Variants in ZBTB20 observed in about 807,000 individuals in gnomAD.
The protein encoded by ZBTB20 is zinc finger and BTB domain-containing protein 20.
Under a neutral mutation model 56.9 loss-of-function variants are expected in ZBTB20, and 9 were observed. That is an observed-to-expected ratio of 0.16 (90% confidence interval 0.10 to 0.28). ZBTB20 has a LOEUF of 0.28. Ranked by LOEUF, ZBTB20 falls within the 10% of genes least tolerant of loss-of-function variation. The pLI, the probability that ZBTB20 is intolerant of heterozygous loss-of-function variation, is 1.00. For missense variants in ZBTB20, 655 were observed against 1,003.0 expected (o/e 0.65, Z 4.69); for synonymous variants, 417 against 420.7 (o/e 0.99, Z 0.11).
intron 5 of ZBTB20, among the ~76,000 whole-genome samples, chr3:114,708,415 A>C (rs959898938): frequency 2.6e-5 from 4 of 152,130 alleles, no homozygotes; most frequent in Non-Finnish European, 5.9e-5. Context: ...AATTTAAAAA[A>C]TATATGAAGA....
chr3:114,617,412 C>T (rs2058016037), intron 6 of ZBTB20, among the ~76,000 whole-genome samples: 1 of 152,188 alleles, frequency 6.6e-6, no homozygotes, highest in African/African-American at 2.4e-5. Flanking sequence ...GATTTATCAG[C>T]TCTTCTGTGA....
At chr3:114,440,664 G>A (rs1317623032) in intron 7 of ZBTB20, among the ~76,000 whole-genome samples, 1 of 152,132 alleles carries the variant, frequency 6.6e-6, no homozygotes, top group Non-Finnish European at 1.5e-5. Context: ...AGATAACGCT[G>A]GGACAGTTTA....
chr3:114,404,636 T>C (rs1559745157), intron 7 of ZBTB20, among the ~76,000 whole-genome samples: 1 of 152,150 alleles, frequency 6.6e-6, no homozygotes, highest in Non-Finnish European at 1.5e-5. Context: ...GTGGCTATTT[T>C]TCCCCATAGC....
chr3:114,958,391 T>G (rs1560437362), intron 3 of ZBTB20, among the ~76,000 whole-genome samples: 1 of 152,216 alleles, frequency 6.6e-6, no homozygotes, highest in Non-Finnish European at 1.5e-5. Flanking sequence ...CAGTTCAACA[T>G]TTAAAAATTT....
At chr3:114,760,773 A>G (rs918301464) in intron 5 of ZBTB20, among the ~76,000 whole-genome samples, 2 of 152,134 alleles carry the variant, frequency 1.3e-5, no homozygotes, top group Non-Finnish European at 2.9e-5. Flanking sequence ...CTTGACACAC[A>G]CTGCCTTTCT....
intron 4 of ZBTB20, among the ~76,000 whole-genome samples, chr3:114,889,617 CTGTT>C (rs1424501602): frequency 4.0e-5 from 6 of 151,896 alleles, no homozygotes; most frequent in Admixed American, 3.9e-4. Flanking sequence ...TAAAAAGGCA[CTGTT>C]TGGGATTGGT....
intron 2 of ZBTB20, among the ~76,000 whole-genome samples, chr3:115,017,403 C>T (rs1005643736): frequency 1.3e-5 from 2 of 151,662 alleles, no homozygotes; most frequent in East Asian, 1.9e-4. Flanking sequence ...AAAGGAAAAA[C>T]ATTCCATGTT....
chr3:114,347,224 T>C (rs2080269142), intron 11 of ZBTB20, among the ~76,000 whole-genome samples: 1 of 151,888 alleles, frequency 6.6e-6, no homozygotes, highest in Non-Finnish European at 1.5e-5. Flanking sequence ...AATTTATATC[T>C]GCAGTTGTTG....
intron 5 of ZBTB20, among the ~76,000 whole-genome samples, chr3:114,753,438 C>CGTATATATATATATATAT (rs1560210058): frequency 8.5e-4 from 9 of 10,576 alleles, no homozygotes; most frequent in Admixed American, 1.8e-3. Flanking sequence ...TATATACACA[C>CGTATATATATATATATAT]ACACTTTTTT....
intron 7 of ZBTB20, among the ~76,000 whole-genome samples, chr3:114,432,645 G>T (rs2090203667): frequency 6.6e-6 from 1 of 152,220 alleles, no homozygotes; most frequent in African/African-American, 2.4e-5. Flanking sequence ...TCTAGCTGAG[G>T]AGGGACTGGC....
chr3:115,018,526 C>T (rs1267026796), intron 2 of ZBTB20, among the ~76,000 whole-genome samples: 1 of 151,312 alleles, frequency 6.6e-6, no homozygotes, highest in Non-Finnish European at 1.5e-5. Flanking sequence ...GATGGCTTGG[C>T]ATTCATTAAC....
At chr3:115,143,816 A>G (rs2084888097) in intron 1 of ZBTB20, among the ~76,000 whole-genome samples, 2 of 152,264 alleles carry the variant, frequency 1.3e-5, no homozygotes, top group Admixed American at 1.3e-4. Context: ...CAAATAAGAA[A>G]TAAACTAAGA....
intron 5 of ZBTB20, among the ~76,000 whole-genome samples, chr3:114,765,252 C>T (rs142999362): frequency 1.3e-5 from 2 of 152,022 alleles, no homozygotes; most frequent in Non-Finnish European, 2.9e-5. Context: ...AAATTTCTAA[C>T]CCCAAGTATC....
chr3:114,800,469 TG>T (rs1470348980), intron 5 of ZBTB20, among the ~76,000 whole-genome samples: 1 of 151,804 alleles, frequency 6.6e-6, no homozygotes, highest in African/African-American at 2.4e-5. Flanking sequence ...TATGGAACAA[TG>T]GGGCTCTGAG....
chr3:114,690,187 A>G (rs1560131243), intron 6 of ZBTB20, among the ~76,000 whole-genome samples: 1 of 151,952 alleles, frequency 6.6e-6, no homozygotes, highest in South Asian at 2.1e-4. Context: ...CATACTGTAA[A>G]CCCTCATATT....
chr3:115,070,809 TA>T (rs971297109), intron 2 of ZBTB20, among the ~76,000 whole-genome samples: 1 of 151,306 alleles, frequency 6.6e-6, no homozygotes, highest in Non-Finnish European at 1.5e-5. Context: ...ACATAAAAAA[TA>T]AAAAAAACTT....
chr3:114,614,243 A>C (rs748841577), intron 6 of ZBTB20, among the ~76,000 whole-genome samples: 3 of 152,216 alleles, frequency 2.0e-5, no homozygotes, highest in Non-Finnish European at 4.4e-5. Context: ...CCATTCTAAA[A>C]ATTATCACAA....
intron 7 of ZBTB20, among the ~76,000 whole-genome samples, chr3:114,417,513 A>G (rs2088691356): frequency 6.6e-6 from 1 of 152,120 alleles, no homozygotes; most frequent in Non-Finnish European, 1.5e-5. Flanking sequence ...GCTTTATTTC[A>G]AAAACTCTGG....
At chr3:114,441,961 G>A (rs1053963895) in intron 7 of ZBTB20, among the ~76,000 whole-genome samples, 1 of 151,940 alleles carries the variant, frequency 6.6e-6, no homozygotes, top group Non-Finnish European at 1.5e-5. Flanking sequence ...AACACACAAG[G>A]AAAGCAACAA....
Sources: gnomAD v4.1 joint callset for allele counts (sites outside exome capture counted in the v4.1 genomes callset) on GRCh38, gnomAD v4.1.1 for gene constraint, MANE v1.5 for transcripts, NCBI Gene and HGNC (gene_info 2026-07-23, HGNC 2026-07-21) for gene names.